GREB1: variants seen among roughly 807,000 people sequenced by gnomAD.
GREB1 encodes the protein protein GREB1.
A neutral mutation model predicts 200.7 loss-of-function variants in GREB1; 106 were observed. The ratio of observed to expected loss-of-function variants is 0.53; its 90% CI spans 0.45 to 0.62. GREB1 has a LOEUF of 0.62. Ranked by LOEUF, GREB1 falls within the 20% of genes least tolerant of loss-of-function variation. GREB1 has a pLI of 0.00. For missense variants in GREB1, 2,243 were observed against 2,556.8 expected, an observed-to-expected ratio of 0.88 and a Z score of 2.65; for synonymous variants, 1,132 against 1,092.4, an observed-to-expected ratio of 1.04 and a Z score of -0.72.
At chr2:11,601,571 G>A (rs982419838) in intron 16 of GREB1, among the ~76,000 whole-genome samples, 1 of 152,222 alleles carries the variant, frequency 6.6e-6, no homozygotes, top group African/African-American at 2.4e-5. Context: ...ACAAGAATAA[G>A]TAAACGTAAG....
At position 11,576,892 on chromosome 2, in the gene GREB1, G is replaced by A. The variant is rs139304553; in HGVS notation, c.637+357G>A. ...TCTACTGAAAATACAAAAGTTAGCCGGCCATGGTGGTGCCCGCCTGTAATC... is the reference window on the plus strand; with the variant it reads ...TCTACTGAAAATACAAAAGTTAGCCAGCCATGGTGGTGCCCGCCTGTAATC... On this transcript the variant is annotated intron_variant, in intron 5 of 32. Transcript: ENST00000381486. 3.2e-3 allele frequency among the ~76,000 whole-genome samples: 486 copies of A among 151,982 alleles called. 4 individuals are homozygous for A. The highest frequency in any genetic ancestry group is 0.011 in the African/African-American group (452 of 41,434).
At chr2:11,613,041 C>T (rs906760260) in intron 19 of GREB1, among the ~76,000 whole-genome samples, 2 of 152,192 alleles carry the variant, frequency 1.3e-5, no homozygotes, top group Non-Finnish European at 2.9e-5. Context: ...TGGGCCCTCC[C>T]GGCTTAGGAG....
At chr2:11,583,324 A>G (rs1446649243) in intron 7 of GREB1, among the ~76,000 whole-genome samples, 1 of 152,128 alleles carries the variant, frequency 6.6e-6, no homozygotes, top group Non-Finnish European at 1.5e-5. Context: ...GCAATTGGGG[A>G]CAGATGTTTG....
At chr2:11,628,410 C>T (rs1011027953) in intron 25 of GREB1, among the ~76,000 whole-genome samples, 1 of 152,160 alleles carries the variant, frequency 6.6e-6, no homozygotes, top group Non-Finnish European at 1.5e-5. Flanking sequence ...GGCAAGAGCA[C>T]TGGCCTCTCT....
intron 1 of GREB1, among the ~76,000 whole-genome samples, chr2:11,528,065 C>T (rs191393855): frequency 6.6e-6 from 1 of 152,288 alleles, no homozygotes; most frequent in Admixed American, 6.5e-5. Context: ...TCAAATTCCA[C>T]CAAACCCAAA....
intron 10 of GREB1, among the ~76,000 whole-genome samples, chr2:11,590,852 C>T (rs956746261): frequency 6.6e-6 from 1 of 152,152 alleles, no homozygotes; most frequent in Non-Finnish European, 1.5e-5. Context: ...TGAAAAAAAG[C>T]ATTCCCAAGG....
rs1044581581 is a variant in GREB1, at chr2:11,491,257, C to T, written c.-159+8876C>T. 4.6e-5 allele frequency among the ~76,000 whole-genome samples: 7 copies of T among 152,198 alleles called. No individual in the cohort carries two copies. The East Asian group carries it at 1.2e-3, about 25-fold the overall frequency. ...AATTTCCTTGGCATGGTATAAATTT[C>T]TGTATCTACTGTTTTCATGATTTAG... is the stretch of plus-strand genomic sequence containing the variant. On this transcript the variant is annotated intron_variant, in intron 1 of 2. Coordinates refer to the GREB1 transcript ENST00000628795.
chr2:11,610,688 G>T lies in GREB1; in HGVS notation c.2667G>T (p.Arg889Ser). ...CATGGTCTCTCTGTGTTCCTTGCAG[G>T]TTCCCCCGCCTGCACAGCGCGGTGA... ...FEAMVTALGK[R>S]FPRLHSAVIR... Residue 889 changes from arginine to serine, a missense_variant and splice_region_variant, in exon 18 of 33, where the codon AGG (arginine) becomes AGT (serine). By Grantham distance (110) the Arg-to-Ser change is moderately radical. Coordinates refer to ENST00000381486, the MANE Select transcript of GREB1 (RefSeq NM_014668.4). 1 of 1,607,060 alleles carries T rather than the reference G, an allele frequency of 6.2e-7. No individual in the cohort carries two copies. Among genetic ancestry groups the T allele is most frequent in the Non-Finnish European group, 8.5e-7 (1 of 1,176,318 alleles).
Position 11,635,355 on chromosome 2 carries a change from A to G in GREB1, c.5296A>G (p.Lys1766Glu). ...LCRFNRFSVM[K>E]KQIVVGGHRS... is the part of the protein sequence containing the mutation. ...CCGGTTCAACCGCTTCAGCGTGATG[A>G]AGAAGCAGATCGTGGTGGGCGGCCA... Residue 1766 changes from lysine to glutamate, a missense_variant, in exon 30 of 33, where the codon AAG becomes GAG. By Grantham distance (56) the Lys-to-Glu change is moderately conservative. Coordinates refer to ENST00000381486, the MANE Select transcript of GREB1 (RefSeq NM_014668.4). 6.2e-7 allele frequency: 1 copy of G among 1,614,102 alleles called. No individual in the cohort carries two copies. The highest frequency in any genetic ancestry group is 8.5e-7 in the Non-Finnish European group (1 of 1,179,972).
At chr2:11,613,990 C>T (rs1399025518) in intron 19 of GREB1, among the ~76,000 whole-genome samples, 1 of 152,196 alleles carries the variant, frequency 6.6e-6, no homozygotes, top group East Asian at 1.9e-4. Context: ...CTGCTGCTCA[C>T]AGATAGCATT....
At chr2:11,557,201 A>G (rs1676511176) in intron 2 of GREB1, among the ~76,000 whole-genome samples, 1 of 152,088 alleles carries the variant, frequency 6.6e-6, no homozygotes, top group African/African-American at 2.4e-5. Flanking sequence ...AAAAACCAAA[A>G]GCAAACATTA....
At chr2:11,603,243 A>G (rs1475906289) in intron 17 of GREB1, among the ~76,000 whole-genome samples, 2 of 152,240 alleles carry the variant, frequency 1.3e-5, no homozygotes, top group African/African-American at 2.4e-5. Flanking sequence ...GCCAAGTTTT[A>G]TAGACGATCT....
chr2:11,560,567 G>A (rs1382488983), intron 2 of GREB1, among the ~76,000 whole-genome samples: 1 of 152,138 alleles, frequency 6.6e-6, no homozygotes, highest in Non-Finnish European at 1.5e-5. Flanking sequence ...TGGGCGTAAT[G>A]GTAGGTGCCT....
At chr2:11,631,744 T>C (rs1684892326) in intron 26 of GREB1, among the ~76,000 whole-genome samples, 165 bp from the exon 27 acceptor site, 1 of 152,218 alleles carries the variant, frequency 6.6e-6, no homozygotes, top group Non-Finnish European at 1.5e-5. Flanking sequence ...CACAAGGCCA[T>C]TTTTCCTCCC....
intron 1 of GREB1, chr2:11,539,733 T>G (rs1674583459): frequency 6.6e-6 from 1 of 152,152 alleles, no homozygotes. Context: ...ACGGTGGCAT[T>G]TGCCATCTGA....
At chr2:11,528,061 T>C (rs1673947590) in intron 1 of GREB1, among the ~76,000 whole-genome samples, 1 of 152,134 alleles carries the variant, frequency 6.6e-6, no homozygotes, top group Admixed American at 6.6e-5. Flanking sequence ...AAAATCAAAT[T>C]CCACCAAACC....
intron 1 of GREB1, among the ~76,000 whole-genome samples, chr2:11,507,945 A>G (rs1481173009): frequency 6.6e-6 from 1 of 152,190 alleles, no homozygotes; most frequent in Non-Finnish European, 1.5e-5. Context: ...ACTCATCTAA[A>G]CAGAGGCTGC....
At chr2:11,484,583 C>CTT (rs201898208) in intron 1 of GREB1, among the ~76,000 whole-genome samples, 65 of 13,730 alleles carry the variant, frequency 4.7e-3, no homozygotes, top group African/African-American at 0.01. Flanking sequence ...ACTCTCATCT[C>CTT]TTAAAAAACA....
chr2:11,625,416 T>A, intron 24 of GREB1, 104 bp downstream of exon 24: 4 of 1,089,138 alleles, frequency 3.7e-6, no homozygotes, highest in Middle Eastern at 2.9e-4. Flanking sequence ...GGTGATGAAT[T>A]AACCTGCCAT....
Sources: allele counts gnomAD v4.1 joint callset (sites outside exome capture counted in the v4.1 genomes callset), GRCh38; gene constraint gnomAD v4.1.1; transcripts MANE v1.5; gene names NCBI Gene and HGNC (gene_info 2026-07-23, HGNC 2026-07-21).